The following PHKB variants were observed in gnomAD, a reference collection of about 807,000 sequenced individuals.
PHKB encodes phosphorylase b kinase regulatory subunit beta.
Under a neutral mutation model 152.1 loss-of-function variants are expected in PHKB, and 122 were observed. The ratio of observed to expected loss-of-function variants is 0.80; its 90% CI spans 0.69 to 0.93. The LOEUF (loss-of-function observed/expected upper bound fraction) is 0.93. Ranked by LOEUF, PHKB falls within the 40% of genes least tolerant of loss-of-function variation. The probability of loss-of-function intolerance (pLI) is 0.00; values close to 1 mark genes in which losing one functional copy is unlikely to be tolerated. For missense variants in PHKB, 1,304 were observed against 1,328.4 expected (o/e 0.98, Z 0.29); for synonymous variants, 436 against 464.9 (o/e 0.94, Z 0.80).
At chr16:47,497,271 A>T (rs932682355) in intron 1 of PHKB, 128 bp from the exon 2 acceptor site, 1 of 672,282 alleles carries the variant, frequency 1.5e-6, no homozygotes, top group African/African-American at 1.8e-5. Context: ...TACAAGTAGT[A>T]AAGTATGGTA....
intron 14 of PHKB, among the ~76,000 whole-genome samples, chr16:47,636,866 C>T (rs1009118892): frequency 6.6e-6 from 1 of 152,146 alleles, no homozygotes; most frequent in Non-Finnish European, 1.5e-5. Flanking sequence ...GACCTGAAGC[C>T]TGGGGGCCGG....
chr16:47,667,915 G>T (rs1973567473), intron 25 of PHKB, among the ~76,000 whole-genome samples: 1 of 152,162 alleles, frequency 6.6e-6, no homozygotes, highest in Non-Finnish European at 1.5e-5. Flanking sequence ...CTAAGGTTGT[G>T]CCTGGACCAT....
intron 4 of PHKB, among the ~76,000 whole-genome samples, chr16:47,510,260 C>A (rs1291908943): frequency 6.6e-6 from 1 of 152,124 alleles, no homozygotes; most frequent in South Asian, 2.1e-4. Context: ...AAATCACTGG[C>A]TATTGGTGAT....
intron 10 of PHKB, 66 bp downstream of exon 10, chr16:47,589,168 A>G: frequency 1.6e-6 from 2 of 1,224,628 alleles, no homozygotes; most frequent in Non-Finnish European, 1.2e-6. Flanking sequence ...CAGGAGACTG[A>G]CCATTGGGTT....
rs539355127 is a variant in PHKB at position 47,669,171 on chromosome 16, T to C, written c.2428-44T>C. The C allele has an allele frequency of 3.1e-5, 46 of 1,474,730 alleles. No homozygotes were observed. In the South Asian group the frequency reaches 4.9e-4, roughly 16 times the overall value. The allele number at this position is 1,474,730 out of a possible 1,614,324, so 91.4% of individuals were successfully genotyped here. On this transcript the variant is annotated intron_variant, in intron 25 of 30. Transcript: ENST00000323584. ...TTGATTTTTTTTTAATTTTTATCTT[T>C]TAGTAGCTAGGAGAATTTTACAATA...
chr16:47,680,238 G>C (rs1973823155), intron 26 of PHKB, among the ~76,000 whole-genome samples: 1 of 152,036 alleles, frequency 6.6e-6, no homozygotes, highest in African/African-American at 2.4e-5. Context: ...CTCTTTTTTG[G>C]TTGTGTCTCT....
At chr16:47,638,090 C>T (rs1972953563) in intron 14 of PHKB, among the ~76,000 whole-genome samples, 2 of 152,042 alleles carry the variant, frequency 1.3e-5, no homozygotes, top group East Asian at 1.9e-4. Flanking sequence ...ACCTTGGGGG[C>T]TAAAATTTCA....
chr16:47,565,884 G>A (rs1971556249), intron 7 of PHKB: 3 of 1,181,308 alleles, frequency 2.5e-6, no homozygotes, highest in African/African-American at 1.5e-5. Context: ...ATCTTCCTTA[G>A]GAGTACTCTG....
chr16:47,648,532 G>A lies in PHKB; in HGVS notation c.1609-1G>A. ...CTAATTTACAAACTTGTGTCTTACAGGCTTATTTGCAGCTGGGTATCAATG... is the reference window on the plus strand; with the variant it reads ...CTAATTTACAAACTTGTGTCTTACAAGCTTATTTGCAGCTGGGTATCAATG... On this transcript the variant is annotated splice_acceptor_variant, in intron 16 of 30. Transcript: ENST00000323584. LOFTEE classifies it high-confidence loss of function. 6.2e-7 allele frequency: 1 copy of A among 1,607,672 alleles called. No homozygotes were observed. Among genetic ancestry groups the A allele is most frequent in the Non-Finnish European group, 8.5e-7 (1 of 1,174,306 alleles).
chr16:47,603,288 A>C (rs947960421), intron 13 of PHKB, among the ~76,000 whole-genome samples: 1 of 152,174 alleles, frequency 6.6e-6, no homozygotes, highest in Non-Finnish European at 1.5e-5. Context: ...ATATTTTTAC[A>C]TGTTGGTTGC....
intron 14 of PHKB, among the ~76,000 whole-genome samples, chr16:47,633,848 A>G (rs1972869314): frequency 6.6e-6 from 1 of 152,208 alleles, no homozygotes; most frequent in South Asian, 2.1e-4. Flanking sequence ...ATATTGCATA[A>G]CTATATCTGT....
chr16:47,595,837 C>G (rs776983301), intron 12 of PHKB, among the ~76,000 whole-genome samples: 1 of 152,116 alleles, frequency 6.6e-6, no homozygotes, highest in Non-Finnish European at 1.5e-5. Flanking sequence ...TTTTTTTCTC[C>G]ATGATTTTCA....
At chr16:47,493,736 A>G (rs1348266969) in intron 1 of PHKB, among the ~76,000 whole-genome samples, 1 of 152,240 alleles carries the variant, frequency 6.6e-6, no homozygotes, top group African/African-American at 2.4e-5. Flanking sequence ...AGATTTATCA[A>G]TTGAACCAAG....
chr16:47,579,966 C>T (rs1567313838), intron 7 of PHKB, among the ~76,000 whole-genome samples: 1 of 152,102 alleles, frequency 6.6e-6, no homozygotes, highest in Non-Finnish European at 1.5e-5. Context: ...CACTTATCAT[C>T]ATAATATACC....
At chr16:47,610,110 A>T (rs1972398802) in intron 13 of PHKB, among the ~76,000 whole-genome samples, 3 of 150,892 alleles carry the variant, frequency 2.0e-5, no homozygotes, top group Non-Finnish European at 4.4e-5. Context: ...CTCCTGCCTC[A>T]GCCTCCTGAG....
chr16:47,492,996 C>T (rs953396824), intron 1 of PHKB, among the ~76,000 whole-genome samples: 1 of 152,188 alleles, frequency 6.6e-6, no homozygotes, highest in Non-Finnish European at 1.5e-5. Flanking sequence ...AACAGAGAGT[C>T]TCAGCAAAGC....
At chr16:47,646,359 A>G (rs1300952280) in intron 16 of PHKB, among the ~76,000 whole-genome samples, 2 of 100,846 alleles carry the variant, frequency 2.0e-5, no homozygotes, top group Admixed American at 1.1e-4. Context: ...GAAGGGGAAT[A>G]TCACACTCTG....
chr16:47,508,029 CTT>C (rs1183322114), intron 4 of PHKB, among the ~76,000 whole-genome samples: 1 of 152,302 alleles, frequency 6.6e-6, no homozygotes, highest in Non-Finnish European at 1.5e-5. Flanking sequence ...CTCATGTTGT[CTT>C]TTGAAGTAAA....
intron 7 of PHKB, among the ~76,000 whole-genome samples, chr16:47,578,326 A>AT (rs376297406): frequency 8.9e-4 from 135 of 152,012 alleles, no homozygotes; most frequent in African/African-American, 2.9e-3. Context: ...CATTGATTGT[A>AT]TTTTTTTCAT....
Sources: allele counts gnomAD v4.1 joint callset (sites outside exome capture counted in the v4.1 genomes callset), GRCh38; gene constraint gnomAD v4.1.1; transcripts MANE v1.5; gene names NCBI Gene and HGNC (gene_info 2026-07-23, HGNC 2026-07-21).